The following SCFD1 variants were observed in gnomAD, a reference collection of about 807,000 sequenced individuals.
SCFD1 encodes sec1 family domain containing 1, also known as sec1 family domain-containing protein 1.
A neutral mutation model predicts 103.2 loss-of-function variants in SCFD1; 37 were observed. The ratio of observed to expected loss-of-function variants is 0.36; its 90% CI spans 0.28 to 0.47. The LOEUF is 0.47. Among genes scored for constraint, SCFD1 ranks in the 20% least tolerant of loss-of-function variants. The pLI, the probability that SCFD1 is intolerant of heterozygous loss-of-function variation, is 1.00. For missense variants in SCFD1, 639 were observed against 761.2 expected (o/e 0.84, Z 1.89); for synonymous variants, 264 against 245.0 (o/e 1.08, Z -0.73).
At chr14:30,679,683 CT>C (rs34886498) in intron 14 of SCFD1, among the ~76,000 whole-genome samples, 80,562 of 146,872 alleles carry the variant, frequency 0.55, 24,039 homozygotes, top group Non-Finnish European at 0.7. Flanking sequence ...CATAAACTGA[CT>C]TTTTTTTTTT....
In SCFD1 at chr14:30,653,567, A is replaced by G. The variant is rs753461507; in HGVS notation, c.834A>G (p.Gln278=). 2 of 1,612,188 alleles carry G rather than the reference A, an allele frequency of 1.2e-6. No individual in the cohort carries two copies. The highest frequency in any genetic ancestry group is 2.2e-5 in the East Asian group (1 of 44,812). The change falls in exon 10 of 25, where the codon CAA becomes CAG. Residue 278 remains glutamine (Q), a synonymous_variant. Coordinates refer to ENST00000458591, the MANE Select transcript of SCFD1 (RefSeq NM_016106.4). ...ATPLHHTWTY[Q]ALVHDVLDFH... ...CTTTACATCATACTTGGACATATCA[A>G]GCATTGGTGCACGATGTACTGGTAA... is the stretch of plus-strand genomic sequence containing the variant.
intron 23 of SCFD1, among the ~76,000 whole-genome samples, chr14:30,730,947 T>A (rs1893416109): frequency 1.3e-5 from 2 of 152,122 alleles, no homozygotes; most frequent in Non-Finnish European, 2.9e-5. Flanking sequence ...CTGAATGGTA[T>A]TGCCTAGGTT....
intron 20 of SCFD1, among the ~76,000 whole-genome samples, chr14:30,717,720 C>T (rs1388731005): frequency 2.6e-5 from 4 of 151,252 alleles, no homozygotes; most frequent in Non-Finnish European, 5.9e-5. Flanking sequence ...GGTGAAACCC[C>T]GTCTCTACAA....
intron 10 of SCFD1, among the ~76,000 whole-genome samples, chr14:30,657,033 G>T (rs1886970483): frequency 1.3e-5 from 2 of 152,022 alleles, no homozygotes; most frequent in Admixed American, 1.3e-4. Context: ...CTTACTGTTG[G>T]GTAGGAGCAA....
chr14:30,718,677 G>A (rs1431743570), intron 20 of SCFD1, among the ~76,000 whole-genome samples: 1 of 152,188 alleles, frequency 6.6e-6, no homozygotes, highest in Non-Finnish European at 1.5e-5. Flanking sequence ...ATTTTTATCA[G>A]TTCATTTATT....
At chr14:30,657,527 T>C (rs1887025238) in intron 10 of SCFD1, among the ~76,000 whole-genome samples, 1 of 152,224 alleles carries the variant, frequency 6.6e-6, no homozygotes, top group South Asian at 2.1e-4. Flanking sequence ...ATGGTAGAGT[T>C]TTTTTGTTTA....
chr14:30,662,570 TC>T (rs1887543960), intron 10 of SCFD1, among the ~76,000 whole-genome samples: 1 of 152,216 alleles, frequency 6.6e-6, no homozygotes, highest in Non-Finnish European at 1.5e-5. Context: ...ATATGAAAAT[TC>T]TGGCATTGTG....
At chr14:30,714,201 A>C (rs542393841) in intron 19 of SCFD1, among the ~76,000 whole-genome samples, 2 of 151,658 alleles carry the variant, frequency 1.3e-5, no homozygotes, top group Admixed American at 1.3e-4. Flanking sequence ...CAAAAAAAAA[A>C]AAATTAGCCG....
At chr14:30,719,264 C>A in intron 20 of SCFD1, 61 bp from the exon 21 acceptor site, 1 of 1,065,404 alleles carries the variant, frequency 9.4e-7, no homozygotes, top group Non-Finnish European at 1.4e-6. Flanking sequence ...ATACTCTAAG[C>A]CAAACTGACC....
chr14:30,654,597 C>T (rs967697606), intron 10 of SCFD1, among the ~76,000 whole-genome samples: 4 of 151,854 alleles, frequency 2.6e-5, no homozygotes, highest in Non-Finnish European at 5.9e-5. Context: ...TTGCTTGAAC[C>T]CAGGAGGCGG....
intron 19 of SCFD1, among the ~76,000 whole-genome samples, chr14:30,710,905 A>C (rs1891825175): frequency 6.6e-6 from 1 of 152,186 alleles, no homozygotes; most frequent in Admixed American, 6.5e-5. Context: ...TTATCTGAAT[A>C]AACAGTTTAA....
intron 18 of SCFD1, among the ~76,000 whole-genome samples, chr14:30,706,238 C>T (rs1034584402): frequency 2.4e-4 from 36 of 152,212 alleles, no homozygotes; most frequent in African/African-American, 8.2e-4. Context: ...ATGGTATGAG[C>T]TGAAACTTAG....
At chr14:30,643,671 G>A (rs1277118763) in intron 7 of SCFD1, among the ~76,000 whole-genome samples, 1 of 151,924 alleles carries the variant, frequency 6.6e-6, no homozygotes, top group Non-Finnish European at 1.5e-5. Flanking sequence ...GAATGGCTTG[G>A]TGGTGACTTC....
intron 13 of SCFD1, 24 bp downstream of exon 13, chr14:30,674,021 T>G (rs1482276389): frequency 6.4e-7 from 1 of 1,563,562 alleles, no homozygotes; most frequent in Non-Finnish European, 8.7e-7. Context: ...ATATCCTCTT[T>G]GAAGTCTTTC....
chr14:30,654,616 G>T (rs1886719910), intron 10 of SCFD1, among the ~76,000 whole-genome samples: 1 of 151,736 alleles, frequency 6.6e-6, no homozygotes, highest in African/African-American at 2.4e-5. Context: ...GGAGGTTGCA[G>T]TGGGCCAAGA....
chr14:30,731,226 C>T (rs1394531438), intron 23 of SCFD1, among the ~76,000 whole-genome samples: 1 of 152,144 alleles, frequency 6.6e-6, no homozygotes, highest in Non-Finnish European at 1.5e-5. Context: ...GTTTTGGTAC[C>T]AGTACCATGC....
chr14:30,692,408 A>C (rs183042480), intron 14 of SCFD1, among the ~76,000 whole-genome samples: 1 of 152,254 alleles, frequency 6.6e-6, no homozygotes, highest in East Asian at 1.9e-4. Context: ...ATAAGGGAGT[A>C]ATGAGTTATT....
At chr14:30,638,393 T>C in intron 5 of SCFD1, 146 bp downstream of exon 5, 1 of 1,154,684 alleles carries the variant, frequency 8.7e-7, no homozygotes, top group Non-Finnish European at 1.2e-6. Context: ...AGAGTTCTGA[T>C]AATATAAATT....
chr14:30,629,657 A>AGCCTCC (rs975330232), intron 2 of SCFD1, among the ~76,000 whole-genome samples: 5 of 149,022 alleles, frequency 3.4e-5, no homozygotes, highest in African/African-American at 1.2e-4. Flanking sequence ...AGCTCACTGC[A>AGCCTCC]GCCTCCGCCT....
Sources: gnomAD v4.1 joint callset for allele counts (sites outside exome capture counted in the v4.1 genomes callset) on GRCh38, gnomAD v4.1.1 for gene constraint, MANE v1.5 for transcripts, NCBI Gene and HGNC (gene_info 2026-07-23, HGNC 2026-07-21) for gene names.